CFTR: variants seen among roughly 807,000 people sequenced by gnomAD.
CFTR encodes cystic fibrosis transmembrane conductance regulator.
A neutral mutation model predicts 171.6 loss-of-function variants in CFTR; 181 were observed. The observed-to-expected ratio is 1.05, with a 90% CI of 0.93 to 1.19. CFTR has a LOEUF of 1.19. Among genes scored for constraint, CFTR ranks in the 50% most tolerant of loss-of-function variants. The pLI is 0.00. For missense variants in CFTR, 1,968 were observed against 1,734.7 expected, an observed-to-expected ratio of 1.13 and a Z score of -2.39; for synonymous variants, 583 against 608.0, an observed-to-expected ratio of 0.96 and a Z score of 0.60.
At chr7:117,630,370 A>G (rs1792722833) in intron 22 of CFTR, among the ~76,000 whole-genome samples, 1 of 152,160 alleles carries the variant, frequency 6.6e-6, no homozygotes, top group African/African-American at 2.4e-5. Context: ...AGGAAGTGGC[A>G]TTTAGAATGA....
rs140444668 is a variant in CFTR at position 117,504,346 on chromosome 7, A to G, written c.147A>G (p.Leu49=). The G allele has an allele frequency of 4.4e-6, 7 of 1,584,948 alleles. No homozygotes were observed. In the African/African-American group the frequency reaches 5.4e-5, roughly 12 times the overall value. The change falls in exon 2 of 27, where the codon CTA becomes CTG. Residue 49 remains leucine, a synonymous_variant. Coordinates refer to ENST00000003084, the MANE Select transcript of CFTR (RefSeq NM_000492.4). ...CTTCTGTTGATTCTGCTGACAATCT[A>G]TCTGAAAAATTGGAAAGGTATGTTC... The part of the protein sequence containing the change: ...QIPSVDSADN[L]SEKLEREWDR...
chr7:117,511,309 C>A (rs752699767), intron 3 of CFTR, among the ~76,000 whole-genome samples: 8 of 152,066 alleles, frequency 5.3e-5, no homozygotes, highest in Non-Finnish European at 1.0e-4. Flanking sequence ...ATGCTAAGGG[C>A]CAAACCTATA....
At position 117,595,124 on chromosome 7, in the gene CFTR, T is replaced by C. The variant is rs1426633833; in HGVS notation, c.2619+66T>C. ...TAAATTAAGATAGTTTGGGGATGTA[T>C]ACATATATATGCACACACATAAATA... On this transcript the variant is annotated intron_variant, in intron 15 of 26. Transcript: ENST00000003084. The C allele has an allele frequency of 2.3e-6, 3 of 1,318,398 alleles. No homozygotes were observed. In the Admixed American group the frequency reaches 5.2e-5, roughly 23 times the overall value. 81.7% of individuals were successfully genotyped at this position (1,318,398 alleles called of 1,614,324 possible).
At chr7:117,516,648 A>T (rs1054392468) in intron 3 of CFTR, among the ~76,000 whole-genome samples, 1 of 151,996 alleles carries the variant, frequency 6.6e-6, no homozygotes, top group African/African-American at 2.4e-5. Context: ...TTCAAATATT[A>T]GTTTTTGTTT....
chr7:117,558,553 C>CTAAATAAATAAATAAATAAA (rs10655920), intron 10 of CFTR, among the ~76,000 whole-genome samples: 174 of 145,288 alleles, frequency 1.2e-3, no homozygotes, highest in South Asian at 2.7e-3. Context: ...GACTCTGTCT[C>CTAAATAAATAAATAAATAAA]TAAATAAATA....
Position 117,667,096 on chromosome 7 carries a change from T to C in CFTR, c.4431T>C (p.Asp1477=), listed in dbSNP as rs765554812. The C allele has an allele frequency of 3.1e-6, 5 of 1,613,856 alleles. No homozygotes were observed. The highest frequency in any genetic ancestry group is 4.2e-6 in the Non-Finnish European group (5 of 1,179,872). The part of the protein sequence containing the change: ...LKEETEEEVQ[D]TRL Reference sequence around the variant, plus strand: ...AGGAGACAGAAGAAGAGGTGCAAGATACAAGGCTTTAGAGAGCAGCATAAA... The same window carrying C: ...AGGAGACAGAAGAAGAGGTGCAAGACACAAGGCTTTAGAGAGCAGCATAAA... Residue 1477 remains aspartate, a synonymous_variant, in exon 27 of 27, where the codon GAT becomes GAC. Coordinates refer to ENST00000003084, the MANE Select transcript of CFTR (RefSeq NM_000492.4).
intron 3 of CFTR, among the ~76,000 whole-genome samples, chr7:117,514,028 C>A (rs1798561958): frequency 6.6e-6 from 1 of 152,110 alleles, no homozygotes; most frequent in African/African-American, 2.4e-5. Context: ...TTGAAATATT[C>A]CCCAAGCGAT....
chr7:117,587,392 T>A (rs937019271), intron 11 of CFTR, among the ~76,000 whole-genome samples: 1 of 152,176 alleles, frequency 6.6e-6, no homozygotes, highest in Non-Finnish European at 1.5e-5. Flanking sequence ...CATTTTAGTA[T>A]GTTGATAACA....
At chr7:117,496,014 A>C (rs1225191048) in intron 1 of CFTR, among the ~76,000 whole-genome samples, 1 of 152,186 alleles carries the variant, frequency 6.6e-6, no homozygotes, top group East Asian at 1.9e-4. Context: ...CATTCCTATT[A>C]GCAGTCATTC....
At chr7:117,570,891 G>T (rs1791677747) in intron 11 of CFTR, among the ~76,000 whole-genome samples, 1 of 152,162 alleles carries the variant, frequency 6.6e-6, no homozygotes, top group South Asian at 2.1e-4. Context: ...AAAAATATTT[G>T]CAGGATATTT....
chr7:117,613,755 A>G (rs991622311), intron 20 of CFTR, among the ~76,000 whole-genome samples: 1 of 152,092 alleles, frequency 6.6e-6, no homozygotes, highest in Non-Finnish European at 1.5e-5. Flanking sequence ...TCAATTAATA[A>G]TAAGATGAAT....
chr7:117,516,659 A>G (rs1314967350), intron 3 of CFTR, among the ~76,000 whole-genome samples: 1 of 151,956 alleles, frequency 6.6e-6, no homozygotes, highest in Non-Finnish European at 1.5e-5. Flanking sequence ...GTTTTTGTTT[A>G]TTTTTATTTT....
chr7:117,606,595 C>A, intron 17 of CFTR, 79 bp from the exon 18 acceptor site: 2 of 820,472 alleles, frequency 2.4e-6, no homozygotes, highest in Non-Finnish European at 4.3e-6. Context: ...TACTGTGATC[C>A]AAACTTAGTA....
At chr7:117,511,501 T>C (rs1319518830) in intron 3 of CFTR, among the ~76,000 whole-genome samples, 2 of 152,224 alleles carry the variant, frequency 1.3e-5, no homozygotes, top group Non-Finnish European at 2.9e-5. Context: ...GCTTTGGAAC[T>C]AGCAGCACCT....
intron 10 of CFTR, among the ~76,000 whole-genome samples, chr7:117,553,685 A>G (rs1340649929): frequency 1.3e-5 from 2 of 152,216 alleles, no homozygotes; most frequent in Non-Finnish European, 2.9e-5. Context: ...ACTTATACAC[A>G]GGAGGAATTT....
At chr7:117,574,833 T>A (rs541296483) in intron 11 of CFTR, among the ~76,000 whole-genome samples, 1 of 152,244 alleles carries the variant, frequency 6.6e-6, no homozygotes, top group South Asian at 2.1e-4. Flanking sequence ...GCTTTAAAAT[T>A]TACATAAATT....
rs199623561 is a variant in CFTR, at chr7:117,592,170, G to T, written c.2003G>T (p.Arg668Leu). The change falls in exon 14 of 27, where the codon CGT (arginine) becomes CTT (leucine). Residue 668 changes from arginine (R) to leucine (L), a missense_variant. By Grantham distance (102) the Arg-to-Leu change is moderately radical. Transcript: ENST00000003084. The stretch of plus-strand genomic sequence containing the variant: ...TCAATCCTAACTGAGACCTTACACC[G>T]TTTCTCATTAGAAGGAGATGCTCCT... ...RNSILTETLH[R>L]FSLEGDAPVS... is the part of the protein sequence containing the mutation. 2 of 1,613,836 alleles carry T rather than the reference G, an allele frequency of 1.2e-6. No individual in the cohort carries two copies. Among genetic ancestry groups the T allele is most frequent in the Non-Finnish European group, 1.7e-6 (2 of 1,179,992 alleles).
At chr7:117,589,797 A>G (rs926799886) in intron 12 of CFTR, among the ~76,000 whole-genome samples, 1 of 152,046 alleles carries the variant, frequency 6.6e-6, no homozygotes, top group African/African-American at 2.4e-5. Flanking sequence ...ACACTTAGAA[A>G]AACATTTTAA....
At chr7:117,562,694 T>A (rs1193975499) in intron 11 of CFTR, among the ~76,000 whole-genome samples, 1 of 152,058 alleles carries the variant, frequency 6.6e-6, no homozygotes, top group Non-Finnish European at 1.5e-5. Context: ...TGTAGGCTGG[T>A]TGGGGGAAAG....
Sources: gnomAD v4.1 joint callset for allele counts (sites outside exome capture counted in the v4.1 genomes callset) on GRCh38, gnomAD v4.1.1 for gene constraint, MANE v1.5 for transcripts, NCBI Gene and HGNC (gene_info 2026-07-23, HGNC 2026-07-21) for gene names.